Variants in CUX1 observed in about 807,000 individuals in gnomAD.
CUX1 encodes protein CASP.
A neutral mutation model predicts 158.8 loss-of-function variants in CUX1; 31 were observed. The observed-to-expected ratio is 0.20, with a 90% CI of 0.15 to 0.26. The LOEUF is 0.26. Among genes scored for constraint, CUX1 ranks in the 10% least tolerant of loss-of-function variants. The pLI, the probability that CUX1 is intolerant of heterozygous loss-of-function variation, is 1.00. For synonymous variants in CUX1, 879 were observed against 862.1 expected (o/e 1.02, Z -0.34); for missense variants, 1,589 against 2,014.6 (o/e 0.79, Z 4.04).
chr7:101,891,576 A>G (rs1420734949), intron 1 of CUX1, among the ~76,000 whole-genome samples: 1 of 152,178 alleles, frequency 6.6e-6, no homozygotes, highest in Non-Finnish European at 1.5e-5. Flanking sequence ...TCTGACCTGC[A>G]TGGGGTGCTG....
At chr7:101,839,706 G>C (rs1795013544) in intron 1 of CUX1, among the ~76,000 whole-genome samples, 1 of 150,368 alleles carries the variant, frequency 6.7e-6, no homozygotes, top group African/African-American at 2.5e-5. Flanking sequence ...CCATCTTTTT[G>C]TTGATTTGCA....
At chr7:102,166,843 A>G (rs1322436519) in intron 9 of CUX1, among the ~76,000 whole-genome samples, 1 of 152,220 alleles carries the variant, frequency 6.6e-6, no homozygotes, top group Non-Finnish European at 1.5e-5. Flanking sequence ...ATGTGATCAG[A>G]AAGTTGCGTG....
At chr7:102,105,098 A>G (rs1377806478) in intron 6 of CUX1, among the ~76,000 whole-genome samples, 1 of 151,902 alleles carries the variant, frequency 6.6e-6, no homozygotes, top group Admixed American at 6.6e-5. Flanking sequence ...CCCATTTCCC[A>G]GTGTGTGTCC....
rs961255033 is a variant in CUX1, at chr7:102,082,066, C to G, written c.268+11649C>G. On this transcript the variant is annotated intron_variant, in intron 4 of 23. Coordinates refer to ENST00000292535, the MANE Select transcript of CUX1 (RefSeq NM_181552.4). ...GAGCCAGCAGCCTCCAGAATGTATC[C>G]CAGATTCGCCCACTTACCCTTCAGC... Among the ~76,000 whole-genome samples the G allele has an allele frequency of 1.4e-5, 2 of 146,784 alleles. 1 individual carries two copies. Among genetic ancestry groups the G allele is most frequent in the African/African-American group, 4.9e-5 (2 of 41,016 alleles).
intron 23 of CUX1, 38 bp downstream of exon 23, chr7:102,239,622 AG>A: frequency 1.9e-6 from 3 of 1,591,958 alleles, no homozygotes; most frequent in Non-Finnish European, 2.6e-6. Flanking sequence ...CGGTCGGCCC[AG>A]GGGAAGGGGC....
intron 4 of CUX1, among the ~76,000 whole-genome samples, chr7:102,096,567 G>A (rs529586245): frequency 5.9e-5 from 9 of 152,168 alleles, no homozygotes; most frequent in South Asian, 2.1e-4. Context: ...TTAGCCCAGC[G>A]TGCTTGTGCA....
chr7:101,852,196 G>C lies in CUX1; in HGVS notation c.30+34527G>C, dbSNP rs572694423. Among the ~76,000 whole-genome samples the C allele has an allele frequency of 2.1e-3, 312 of 152,066 alleles. 1 individual carries two copies. Among genetic ancestry groups the C allele is most frequent in the Non-Finnish European group, 2.3e-3 (154 of 67,980 alleles). On this transcript the variant is annotated intron_variant, in intron 1 of 23. Coordinates refer to ENST00000292535, the MANE Select transcript of CUX1 (RefSeq NM_181552.4). Reference sequence around the variant, plus strand: ...TCTGCAGGAATTTCTCAACCTTCCAGTCTTTCTAAACTTTTATGCATCTTA... The same window carrying C: ...TCTGCAGGAATTTCTCAACCTTCCACTCTTTCTAAACTTTTATGCATCTTA...
At chr7:101,978,992 A>G (rs903532162) in intron 2 of CUX1, among the ~76,000 whole-genome samples, 3 of 152,314 alleles carry the variant, frequency 2.0e-5, no homozygotes, top group Admixed American at 2.0e-4. Context: ...TGGGAAGCAT[A>G]ATGACCAGTG....
chr7:102,272,438 C>T (rs542223709), intron 14 of CUX1, among the ~76,000 whole-genome samples: 44 of 152,372 alleles, frequency 2.9e-4, no homozygotes, highest in African/African-American at 1.0e-3. Context: ...CAAAGGACAG[C>T]GTCCTGGGTC....
chr7:102,194,481 T>C (rs1170436638), intron 13 of CUX1, among the ~76,000 whole-genome samples: 2 of 150,880 alleles, frequency 1.3e-5, no homozygotes, highest in African/African-American at 4.9e-5. Context: ...ATACCCGTGG[T>C]CCCAGCTACT....
At chr7:101,888,056 G>C (rs930708858) in intron 1 of CUX1, among the ~76,000 whole-genome samples, 2 of 152,140 alleles carry the variant, frequency 1.3e-5, no homozygotes, top group African/African-American at 4.8e-5. Flanking sequence ...TATTGAGGCC[G>C]GGTGTGGTGG....
At chr7:101,827,422 C>T (rs1287153173) in intron 1 of CUX1, among the ~76,000 whole-genome samples, 1 of 152,164 alleles carries the variant, frequency 6.6e-6, no homozygotes, top group African/African-American at 2.4e-5. Context: ...CCTCCCACAT[C>T]AGCCTCCCAG....
chr7:102,192,576 A>G (rs781912073), intron 12 of CUX1, among the ~76,000 whole-genome samples: 1 of 152,218 alleles, frequency 6.6e-6, no homozygotes, highest in African/African-American at 2.4e-5. Flanking sequence ...CTGTAATCCC[A>G]GCACTTTGGG....
intron 4 of CUX1, among the ~76,000 whole-genome samples, chr7:102,087,498 C>G (rs925250672): frequency 1.3e-5 from 2 of 152,052 alleles, no homozygotes; most frequent in African/African-American, 2.4e-5. Context: ...GAAAATCTCT[C>G]GAACCCGGGA....
intron 16 of CUX1, among the ~76,000 whole-genome samples, chr7:102,275,093 C>T (rs1791513269): frequency 6.6e-6 from 1 of 152,172 alleles, no homozygotes; most frequent in Admixed American, 6.5e-5. Flanking sequence ...CTCCCCTTCC[C>T]CGACCTGCCC....
Position 102,061,806 on chromosome 7 carries a change from G to A in CUX1, c.190-8533G>A, listed in dbSNP as rs1160152342. Reference sequence around the variant, plus strand: ...TCCCAGCACTTCGGAAGGCTGAGGCGGGTAGATCACTTGAGCTCAGGAGTG... The same window carrying A: ...TCCCAGCACTTCGGAAGGCTGAGGCAGGTAGATCACTTGAGCTCAGGAGTG... On this transcript the variant is annotated intron_variant, in intron 3 of 23. Coordinates refer to ENST00000292535, the MANE Select transcript of CUX1 (RefSeq NM_181552.4). 3.3e-5 allele frequency among the ~76,000 whole-genome samples: 5 copies of A among 152,264 alleles called. No individual in the cohort carries two copies. In the South Asian group the frequency reaches 6.2e-4, roughly 19 times the overall value.
chr7:102,201,312 C>A lies in CUX1; in HGVS notation c.2063-48C>A. ...GTTAGGATGAGAAGCATGTCCCCAG[C>A]TGAAGGGGGCCGCCCTGCCACACTC... On this transcript the variant is annotated intron_variant, in intron 17 of 23. Coordinates refer to ENST00000292535, the MANE Select transcript of CUX1 (RefSeq NM_181552.4). This position sits in a 1 kb window ranked among gnomAD's most constrained non-coding sequence, Gnocchi z 5.0. The A allele has an allele frequency of 6.3e-7, 1 of 1,582,906 alleles. No individual in the cohort carries two copies. Among genetic ancestry groups the A allele is most frequent in the Non-Finnish European group, 8.6e-7 (1 of 1,163,568 alleles).
chr7:102,086,248 T>C (rs1239000035), intron 4 of CUX1, among the ~76,000 whole-genome samples: 1 of 123,024 alleles, frequency 8.1e-6, no homozygotes, highest in Non-Finnish European at 1.5e-5. Context: ...ATTTTTCTCT[T>C]TTTTTTTTTT....
At chr7:102,258,555 C>T (rs1419987762), downstream of CUX1, among the ~76,000 whole-genome samples, 3 of 152,200 alleles carry the variant, frequency 2.0e-5, no homozygotes, top group Non-Finnish European at 4.4e-5. Context: ...CCCTGGCGTC[C>T]GCTTCCTTTT....
Sources: allele counts gnomAD v4.1 joint callset (sites outside exome capture counted in the v4.1 genomes callset), GRCh38; gene constraint gnomAD v4.1.1; non-coding constraint Gnocchi (gnomAD v3.1); transcripts MANE v1.5; gene names NCBI Gene and HGNC (gene_info 2026-07-23, HGNC 2026-07-21).